FAM81A: variants seen among roughly 807,000 people sequenced by gnomAD.
FAM81A encodes protein FAM81A.
In FAM81A, 19 loss-of-function variants were observed where a neutral mutation model predicts 46.7. The ratio of observed to expected loss-of-function variants is 0.41; its 90% CI spans 0.28 to 0.60. The LOEUF is 0.60. Among genes scored for constraint, FAM81A ranks in the 20% least tolerant of loss-of-function variants. The probability of loss-of-function intolerance (pLI) is 0.34; values close to 1 mark genes in which losing one functional copy is unlikely to be tolerated. For missense variants in FAM81A, 377 were observed against 453.5 expected (o/e 0.83, Z 1.53); for synonymous variants, 183 against 152.9 (o/e 1.20, Z -1.45).
At chr15:59,456,273 G>C (rs1378687602) in intron 1 of FAM81A, among the ~76,000 whole-genome samples, 1 of 152,096 alleles carries the variant, frequency 6.6e-6, no homozygotes, top group African/African-American at 2.4e-5. Flanking sequence ...CAAGGACGGT[G>C]GTGGATGGGG....
chr15:59,399,858 G>A (rs1301485970), intron 1 of FAM81A, among the ~76,000 whole-genome samples: 1 of 152,118 alleles, frequency 6.6e-6, no homozygotes, highest in African/African-American at 2.4e-5. Flanking sequence ...AGAGTGGATA[G>A]TATGCCATAG....
intron 3 of FAM81A, among the ~76,000 whole-genome samples, chr15:59,479,866 T>G (rs1243000193): frequency 6.6e-6 from 1 of 152,230 alleles, no homozygotes; most frequent in African/African-American, 2.4e-5. Context: ...ACACTCTTGT[T>G]GCTGGGGCTA....
chr15:59,495,026 C>A (rs1291900988), intron 4 of FAM81A, among the ~76,000 whole-genome samples: 1 of 152,214 alleles, frequency 6.6e-6, no homozygotes, highest in East Asian at 1.9e-4. Flanking sequence ...CTCTCTCTCT[C>A]TGAACACCTT....
At chr15:59,513,015 A>C (rs1461228556) in intron 6 of FAM81A, among the ~76,000 whole-genome samples, 3 of 152,222 alleles carry the variant, frequency 2.0e-5, no homozygotes, top group African/African-American at 7.2e-5. Flanking sequence ...TTGCAGGACA[A>C]GTGGTAGCTC....
Position 59,522,445 on chromosome 15 carries a change from T to C in FAM81A, c.*1067T>C, listed in dbSNP as rs2082337097. 1 of 152,574 alleles carries C rather than the reference T, an allele frequency of 6.6e-6. No individual in the cohort carries two copies. Among genetic ancestry groups the C allele is most frequent in the Non-Finnish European group, 1.5e-5 (1 of 68,028 alleles). The allele number at this position is 152,574 out of a possible 1,614,324, so 9.5% of individuals were successfully genotyped here. On this transcript the variant is annotated 3_prime_UTR_variant, in exon 9 of 9. Coordinates refer to ENST00000288228, the MANE Select transcript of FAM81A (RefSeq NM_152450.3). ...CTGTTAAGGTATTAATCATTCAGTA[T>C]TACTAATGGAATAGAAATTCATACT...
intron 2 of FAM81A, among the ~76,000 whole-genome samples, chr15:59,406,300 A>T (rs551178439): frequency 6.6e-6 from 1 of 152,288 alleles, no homozygotes; most frequent in South Asian, 2.1e-4. Flanking sequence ...TTTAACTGGC[A>T]CTCTGCTTTA....
chr15:59,421,769 A>G (rs2081173599), intron 2 of FAM81A, among the ~76,000 whole-genome samples: 5 of 151,018 alleles, frequency 3.3e-5, no homozygotes, highest in Admixed American at 2.6e-4. Context: ...CTATCTATCT[A>G]TCTATCTATC....
intron 1 of FAM81A, among the ~76,000 whole-genome samples, chr15:59,398,994 C>T (rs1478347820): frequency 6.6e-6 from 1 of 151,894 alleles, no homozygotes; most frequent in African/African-American, 2.4e-5. Flanking sequence ...ATGGTGAAAC[C>T]CCGTCTCTAC....
chr15:59,494,876 T>C (rs1188642844), intron 4 of FAM81A, among the ~76,000 whole-genome samples: 4 of 152,128 alleles, frequency 2.6e-5, no homozygotes, highest in South Asian at 2.1e-4. Context: ...TTGATTTTTT[T>C]CCCCTGTAAA....
chr15:59,453,461 C>G (rs2081443493), intron 1 of FAM81A, among the ~76,000 whole-genome samples: 1 of 152,160 alleles, frequency 6.6e-6, no homozygotes, highest in South Asian at 2.1e-4. Flanking sequence ...TACGTGTGAG[C>G]AGCTGTTAGT....
At chr15:59,503,069 C>T (rs1446909921) in intron 4 of FAM81A, among the ~76,000 whole-genome samples, 3 of 151,752 alleles carry the variant, frequency 2.0e-5, no homozygotes, top group African/African-American at 7.3e-5. Context: ...TGGTGAAAAC[C>T]AGTGTCTACT....
At chr15:59,424,302 C>A (rs764567330) in intron 2 of FAM81A, among the ~76,000 whole-genome samples, 2 of 152,220 alleles carry the variant, frequency 1.3e-5, no homozygotes, top group Non-Finnish European at 2.9e-5. Flanking sequence ...CAGTCTCCTT[C>A]CTTGGTTCTT....
intron 3 of FAM81A, among the ~76,000 whole-genome samples, chr15:59,485,241 T>TC (rs749988381): frequency 6.6e-6 from 1 of 152,140 alleles, no homozygotes; most frequent in Non-Finnish European, 1.5e-5. Flanking sequence ...ACTTGCTGAT[T>TC]GTAGAGCCCT....
intron 1 of FAM81A, chr15:59,401,126 A>G (rs1596456394): frequency 7.2e-6 from 5 of 689,676 alleles, no homozygotes; most frequent in Non-Finnish European, 1.4e-5. Flanking sequence ...GATTGCAGAC[A>G]TGTATGGCTG....
At chr15:59,495,630 G>A (rs2082025324) in intron 4 of FAM81A, among the ~76,000 whole-genome samples, 1 of 152,136 alleles carries the variant, frequency 6.6e-6, no homozygotes, top group Admixed American at 6.6e-5. Context: ...ACTTTACATT[G>A]CCCCCAGCAG....
Position 59,417,017 on chromosome 15 carries a change from C to T in FAM81A, c.-78+14659C>T, listed in dbSNP as rs575491069. Among the ~76,000 whole-genome samples, 230 of 151,528 alleles carry T rather than the reference C, an allele frequency of 1.5e-3. 1 individual carries two copies. The highest frequency in any genetic ancestry group is 5.2e-3 in the African/African-American group (214 of 41,314). On this transcript the variant is annotated intron_variant, in intron 2 of 4. Coordinates refer to the FAM81A transcript ENST00000558348. ...TCGTGTCTGCATCTGGTGCTATGCCCAGAATCACTGAAGAGGATGATGGGG... is the reference window on the plus strand; with the variant it reads ...TCGTGTCTGCATCTGGTGCTATGCCTAGAATCACTGAAGAGGATGATGGGG...
At chr15:59,450,278 T>C (rs1596479966) in intron 1 of FAM81A, among the ~76,000 whole-genome samples, 1 of 152,116 alleles carries the variant, frequency 6.6e-6, no homozygotes, top group East Asian at 1.9e-4. Context: ...TGCATGAATA[T>C]ATCATAGTTT....
chr15:59,421,884 T>TA (rs1379685888), intron 2 of FAM81A, among the ~76,000 whole-genome samples: 1 of 88,746 alleles, frequency 1.1e-5, no homozygotes, highest in African/African-American at 4.6e-5. Flanking sequence ...TCTATCTATC[T>TA]ATCTATCTAT....
intron 1 of FAM81A, among the ~76,000 whole-genome samples, chr15:59,442,585 C>G (rs1244895394): frequency 7.0e-6 from 1 of 143,614 alleles, no homozygotes; most frequent in Non-Finnish European, 1.5e-5. Context: ...CCACTGCACT[C>G]CAGCCTGGGC....
Sources: gnomAD v4.1 joint callset for allele counts (sites outside exome capture counted in the v4.1 genomes callset) on GRCh38, gnomAD v4.1.1 for gene constraint, MANE v1.5 for transcripts, NCBI Gene and HGNC (gene_info 2026-07-23, HGNC 2026-07-21) for gene names.